Variants in ARG1 observed in about 807,000 individuals in gnomAD.
ARG1 encodes arginase-1.
A neutral mutation model predicts 33.0 loss-of-function variants in ARG1; 20 were observed. The observed-to-expected ratio is 0.61, with a 90% CI of 0.43 to 0.88. The LOEUF (loss-of-function observed/expected upper bound fraction) is 0.88, where lower values mean the gene tolerates loss of function less well. ARG1 is among the 40% of genes least tolerant of loss of function. The probability of loss-of-function intolerance (pLI) is 0.00; values close to 1 mark genes in which losing one functional copy is unlikely to be tolerated. For synonymous variants in ARG1, 146 were observed against 140.6 expected, an observed-to-expected ratio of 1.04 and a Z score of -0.27; for missense variants, 374 against 384.7, an observed-to-expected ratio of 0.97 and a Z score of 0.23.
In ARG1 at chr6:131,576,740, T is replaced by G; in HGVS notation, c.130+5T>G. ...TTGAGAAACTTAAAGAACAAGGTAA[T>G]TTTTAAGTTGAAAAATGATCAGCCT... On this transcript the variant is annotated splice_donor_5th_base_variant and intron_variant, in intron 2 of 7. Coordinates refer to ENST00000368087, the MANE Select transcript of ARG1 (RefSeq NM_000045.4). 1 of 1,612,218 alleles carries G rather than the reference T, an allele frequency of 6.2e-7. No homozygotes were observed. The highest frequency in any genetic ancestry group is 1.7e-4 in the Middle Eastern group (1 of 6,058).
At chr6:131,579,485 T>C (rs1399912216) in intron 3 of ARG1, 200 bp downstream of exon 3, 2 of 526,666 alleles carry the variant, frequency 3.8e-6, no homozygotes, top group Non-Finnish European at 6.7e-6. Context: ...ACAATATCTG[T>C]ATTTTGACCT....
rs2297637 is a variant in ARG1 at position 131,579,379 on chromosome 6, G to T, written c.305+94G>T. ...AAAATTTAGAAATATAGACAGAAAA[G>T]CATTGACCTATATTTTATATCAAAT... is the stretch of plus-strand genomic sequence containing the variant. On this transcript the variant is annotated intron_variant, in intron 3 of 7. Coordinates refer to ENST00000368087, the MANE Select transcript of ARG1 (RefSeq NM_000045.4). 70,941 of 1,398,278 alleles carry T rather than the reference G, an allele frequency of 0.051. 4,135 individuals are homozygous for T. The highest frequency in any genetic ancestry group is 0.27 in the African/African-American group (18,607 of 69,340). 86.6% of individuals were successfully genotyped at this position (1,398,278 alleles called of 1,614,324 possible). A position where few individuals can be genotyped will look rare whatever the true frequency, so the allele number is the denominator to read the frequency against.
intron 3 of ARG1, 94 bp from the exon 4 acceptor site, chr6:131,581,125 C>T (rs1773898416): frequency 7.6e-7 from 1 of 1,318,132 alleles, no homozygotes; most frequent in African/African-American, 1.4e-5. Flanking sequence ...CACTGTGACT[C>T]AAAGGAAAAC....
intron 3 of ARG1, 41 bp downstream of exon 3, chr6:131,579,326 G>A (rs1306976239): frequency 6.2e-7 from 1 of 1,606,442 alleles, no homozygotes; most frequent in South Asian, 1.1e-5. Flanking sequence ...CTGGCACAAA[G>A]GAAGTAACCA....
Position 131,581,202 on chromosome 6 carries a change from A to C in ARG1, c.306-17A>C. ...CACTGCAAACCTGATGTTCACACAA[A>C]ATTTTTTCCCCAAAAGTTTGGCAAT... is the stretch of plus-strand genomic sequence containing the variant. On this transcript the variant is annotated splice_polypyrimidine_tract_variant and intron_variant, in intron 3 of 7. Transcript: ENST00000368087. 1 of 1,613,660 alleles carries C rather than the reference A, an allele frequency of 6.2e-7. No individual in the cohort carries two copies. Among genetic ancestry groups the C allele is most frequent in the Non-Finnish European group, 8.5e-7 (1 of 1,179,680 alleles).
At chr6:131,578,767 A>G (rs1773760617) in intron 2 of ARG1, among the ~76,000 whole-genome samples, 1 of 152,098 alleles carries the variant, frequency 6.6e-6, no homozygotes, top group Non-Finnish European at 1.5e-5. Flanking sequence ...AAAAGCACAT[A>G]AGCAGAGAGA....
At position 131,584,017 on chromosome 6, in the gene ARG1, G is replaced by GT. The variant is rs1490701827; in HGVS notation, c.*114dup. On this transcript the variant is annotated 3_prime_UTR_variant, in exon 8 of 8. Transcript: ENST00000368087. ...TAAAGACTTGTTCTTTCAGAAAAAT[G>GT]TTTTTCCAATTAGTATAAACTCTAC... 6 of 1,315,134 alleles carry GT rather than the reference G, an allele frequency of 4.6e-6. No individual in the cohort carries two copies. The East Asian group carries it at 1.2e-4, about 27-fold the overall frequency. The allele number at this position is 1,315,134 out of a possible 1,614,324, so 81.5% of individuals were successfully genotyped here. A position where few individuals can be genotyped will look rare whatever the true frequency, so the allele number is the denominator to read the frequency against.
chr6:131,575,282 A>G (rs747331744), intron 1 of ARG1, among the ~76,000 whole-genome samples: 15 of 152,224 alleles, frequency 9.9e-5, no homozygotes, highest in Non-Finnish European at 1.8e-4. Flanking sequence ...TGTCAGCTCT[A>G]CACTACAAAA....
intron 3 of ARG1, among the ~76,000 whole-genome samples, chr6:131,580,475 G>C (rs1295918501): frequency 6.6e-6 from 1 of 152,192 alleles, no homozygotes; most frequent in Non-Finnish European, 1.5e-5. Context: ...GCATTGTATA[G>C]TACTAGCTTG....
At chr6:131,577,910 A>G (rs985238642) in intron 2 of ARG1, among the ~76,000 whole-genome samples, 1 of 151,886 alleles carries the variant, frequency 6.6e-6, no homozygotes, top group African/African-American at 2.4e-5. Flanking sequence ...TCTCCAAAAA[A>G]AAAAAAAAAA....
At position 131,583,802 on chromosome 6, in the gene ARG1, A is replaced by G; in HGVS notation, c.863A>G (p.Glu288Gly). 1 of 1,614,144 alleles carries G rather than the reference A, an allele frequency of 6.2e-7. No individual in the cohort carries two copies. Among genetic ancestry groups the G allele is most frequent in the Non-Finnish European group, 8.5e-7 (1 of 1,180,010 alleles). ...CCATCCCTGGGGAAGACACCAGAAG[A>G]AGTAACTCGAACAGTGAACACAGCA... ...VNPSLGKTPE[E>G]VTRTVNTAVA... The change falls in exon 8 of 8, where the codon GAA becomes GGA. Residue 288 changes from glutamate (E) to glycine (G), a missense_variant. Coordinates refer to ENST00000368087, the MANE Select transcript of ARG1 (RefSeq NM_000045.4).
At position 131,573,404 on chromosome 6, in the gene ARG1, G is replaced by T; in HGVS notation, c.57+65G>T. ...TTGAAAATTTTGGACTTCAAAATTTGTAAGGTGTTATTGTCTAGTTAGTTC... is the reference window on the plus strand; with the variant it reads ...TTGAAAATTTTGGACTTCAAAATTTTTAAGGTGTTATTGTCTAGTTAGTTC... On this transcript the variant is annotated intron_variant, in intron 1 of 7. Transcript: ENST00000368087. The T allele has an allele frequency of 6.0e-6, 9 of 1,502,648 alleles. No individual in the cohort carries two copies. In the South Asian group the frequency reaches 9.0e-5, roughly 15 times the overall value. The allele number at this position is 1,502,648 out of a possible 1,614,324, so 93.1% of individuals were successfully genotyped here. A position where few individuals can be genotyped will look rare whatever the true frequency, so the allele number is the denominator to read the frequency against.
At chr6:131,576,230 T>C (rs1164435817) in intron 1 of ARG1, among the ~76,000 whole-genome samples, 1 of 152,218 alleles carries the variant, frequency 6.6e-6, no homozygotes, top group Non-Finnish European at 1.5e-5. Context: ...AAACTGGAGT[T>C]AAATGCCCAT....
intron 7 of ARG1, 101 bp from the exon 8 acceptor site, chr6:131,583,641 A>G (rs531680947): frequency 1.3e-6 from 2 of 1,519,796 alleles, no homozygotes; most frequent in East Asian, 2.4e-5. Flanking sequence ...TCCATCGGTT[A>G]CTACCTTTTT....
At chr6:131,576,810 T>A (rs893412803) in intron 2 of ARG1, 75 bp downstream of exon 2, 2 of 1,304,992 alleles carry the variant, frequency 1.5e-6, no homozygotes, top group African/African-American at 2.9e-5. Context: ...CCTGTGAACC[T>A]GGAGTGTGTC....
At position 131,582,699 on chromosome 6, in the gene ARG1, G is replaced by A. The variant is rs771753283; in HGVS notation, c.544G>A (p.Val182Met). Residue 182 changes from valine (V) to methionine (M), a missense_variant, in exon 5 of 8, where the codon GTG (valine) becomes ATG (methionine). Physicochemically the swap from Val to Met is conservative, Grantham distance 21. Transcript: ENST00000368087. ...TATTGTGTATATTGGCTTGAGAGACGTGGACCCTGGGGAACAGTAAGCTTA... is the reference window on the plus strand; with the variant it reads ...TATTGTGTATATTGGCTTGAGAGACATGGACCCTGGGGAACAGTAAGCTTA... ...KDIVYIGLRD[V>M]DPGEHYILKT... is the part of the protein sequence containing the mutation. 3.7e-6 allele frequency: 6 copies of A among 1,613,550 alleles called. No homozygotes were observed. Among genetic ancestry groups the A allele is most frequent in the Non-Finnish European group, 5.1e-6 (6 of 1,179,698 alleles).
intron 2 of ARG1, among the ~76,000 whole-genome samples, chr6:131,577,936 C>T (rs187362616): frequency 3.3e-5 from 5 of 151,288 alleles, no homozygotes; most frequent in Non-Finnish European, 5.9e-5. Flanking sequence ...AGGAATGGAC[C>T]GCAAACACAG....
chr6:131,583,988 C>A lies in ARG1; in HGVS notation c.*80C>A. The A allele has an allele frequency of 6.8e-7, 1 of 1,471,668 alleles. No homozygotes were observed. The highest frequency in any genetic ancestry group is 2.3e-5 in the East Asian group (1 of 43,292). 91.2% of individuals were successfully genotyped at this position (1,471,668 alleles called of 1,614,324 possible). On this transcript the variant is annotated 3_prime_UTR_variant, in exon 8 of 8. Coordinates refer to ENST00000368087, the MANE Select transcript of ARG1 (RefSeq NM_000045.4). ...TCATTTTCTTAAGCATAGAGTTATC[C>A]TTCTAAAGACTTGTTCTTTCAGAAA...
intron 7 of ARG1, 92 bp downstream of exon 7, chr6:131,583,583 C>T: frequency 6.4e-7 from 1 of 1,555,408 alleles, no homozygotes; most frequent in South Asian, 1.1e-5. Flanking sequence ...TCCCAGCTGA[C>T]ACTTTCAGAA....
Sources: gnomAD v4.1 joint callset for allele counts (sites outside exome capture counted in the v4.1 genomes callset) on GRCh38, gnomAD v4.1.1 for gene constraint, MANE v1.5 for transcripts, NCBI Gene and HGNC (gene_info 2026-07-23, HGNC 2026-07-21) for gene names.